Variants in MKLN1 observed in about 807,000 individuals in gnomAD.
The protein encoded by MKLN1 is muskelin 1.
In MKLN1, 18 loss-of-function variants were observed where a neutral mutation model predicts 99.0. The observed-to-expected ratio is 0.18, with a 90% CI of 0.13 to 0.27. MKLN1 has a LOEUF of 0.27. Ranked by LOEUF, MKLN1 falls within the 10% of genes least tolerant of loss-of-function variation. The pLI, the probability that MKLN1 is intolerant of heterozygous loss-of-function variation, is 1.00. For synonymous variants in MKLN1, 288 were observed against 293.2 expected (o/e 0.98, Z 0.18); for missense variants, 621 against 875.9 (o/e 0.71, Z 3.67).
intron 3 of MKLN1, among the ~76,000 whole-genome samples, chr7:131,243,672 T>C (rs1221805221): frequency 6.6e-6 from 1 of 152,264 alleles, no homozygotes; most frequent in East Asian, 1.9e-4. Context: ...CATGCTTCTA[T>C]CCATTAACAG....
intron 1 of MKLN1, among the ~76,000 whole-genome samples, chr7:131,358,336 A>G (rs1417388239): frequency 6.6e-6 from 1 of 152,182 alleles, no homozygotes; most frequent in Non-Finnish European, 1.5e-5. Context: ...ATTGATGTGT[A>G]ATACATTAAT....
chr7:131,181,232 T>C (rs954626099), intron 2 of MKLN1, among the ~76,000 whole-genome samples: 17 of 152,172 alleles, frequency 1.1e-4, no homozygotes, highest in Admixed American at 3.3e-4. Context: ...TGAAAGAGGC[T>C]TAGCCTCACA....
At chr7:131,121,475 A>G (rs958135031) in intron 1 of MKLN1, among the ~76,000 whole-genome samples, 4 of 151,908 alleles carry the variant, frequency 2.6e-5, no homozygotes, top group African/African-American at 9.7e-5. Context: ...CGTCTCTACT[A>G]AAAACACAAA....
chr7:131,446,525 T>C (rs1442415583), intron 12 of MKLN1, among the ~76,000 whole-genome samples: 1 of 152,332 alleles, frequency 6.6e-6, no homozygotes, highest in Non-Finnish European at 1.5e-5. Flanking sequence ...TGGTTTAAAA[T>C]GCTAATTTGA....
At chr7:131,466,443 T>A in intron 15 of MKLN1, 28 bp downstream of exon 15, 2 of 1,480,062 alleles carry the variant, frequency 1.4e-6, no homozygotes, top group Non-Finnish European at 1.8e-6. Flanking sequence ...TGAAAACATT[T>A]AATTAACATT....
chr7:131,314,316 C>T (rs1367696862), intron 3 of MKLN1, among the ~76,000 whole-genome samples: 1 of 152,222 alleles, frequency 6.6e-6, no homozygotes, highest in East Asian at 1.9e-4. Context: ...GAGTGAGAGG[C>T]AGCTTTTTCT....
intron 3 of MKLN1, among the ~76,000 whole-genome samples, chr7:131,275,567 ATTTTTTTT>A (rs869119196): frequency 1.6e-3 from 9 of 5,618 alleles, no homozygotes; most frequent in African/African-American, 2.8e-3. Flanking sequence ...ATATATATAT[ATTTTTTTT>A]TTTTTTTTTT....
chr7:131,149,442 T>C (rs1795859143), intron 2 of MKLN1, among the ~76,000 whole-genome samples: 1 of 152,142 alleles, frequency 6.6e-6, no homozygotes, highest in African/African-American at 2.4e-5. Context: ...AACAAGGGTA[T>C]GTTTTGGAAA....
intron 17 of MKLN1, among the ~76,000 whole-genome samples, chr7:131,480,810 T>A (rs1797101799): frequency 6.6e-6 from 1 of 152,218 alleles, no homozygotes; most frequent in African/African-American, 2.4e-5. Flanking sequence ...TTATGTGCCT[T>A]ATGTCTGATA....
intron 2 of MKLN1, among the ~76,000 whole-genome samples, chr7:131,196,792 C>G (rs1445047828): frequency 2.0e-5 from 3 of 152,010 alleles, no homozygotes; most frequent in South Asian, 4.1e-4. Context: ...TTTAGAAGCC[C>G]ATTGGCCCCC....
chr7:131,193,560 G>T (rs1230252208), intron 2 of MKLN1, among the ~76,000 whole-genome samples: 1 of 152,006 alleles, frequency 6.6e-6, no homozygotes, highest in Non-Finnish European at 1.5e-5. Flanking sequence ...TATTTTAGTA[G>T]AGATGAGGTT....
intron 12 of MKLN1, among the ~76,000 whole-genome samples, chr7:131,449,123 CTT>C (rs1186427668): frequency 6.6e-6 from 1 of 152,122 alleles, no homozygotes; most frequent in Non-Finnish European, 1.5e-5. Flanking sequence ...AGGAGGTAAT[CTT>C]TAAGATTTAA....
At chr7:131,464,191 A>G (rs1796595312) in intron 13 of MKLN1, 103 bp from the exon 14 acceptor site, 2 of 581,008 alleles carry the variant, frequency 3.4e-6, no homozygotes, top group Non-Finnish European at 6.0e-6. Flanking sequence ...ACGCATTTCT[A>G]AAATTTTTTG....
intron 1 of MKLN1, among the ~76,000 whole-genome samples, chr7:131,111,703 C>T (rs951673286): frequency 1.3e-5 from 2 of 151,954 alleles, no homozygotes; most frequent in Admixed American, 1.3e-4. Context: ...ATCTTCATTC[C>T]TCAGCACTAG....
chr7:131,168,849 G>A (rs1013883974), intron 2 of MKLN1, among the ~76,000 whole-genome samples: 3 of 149,808 alleles, frequency 2.0e-5, no homozygotes, highest in South Asian at 2.1e-4. Context: ...TTACCAAATT[G>A]AAATTTAAAT....
At chr7:131,241,892 CCT>C (rs1356220313) in intron 3 of MKLN1, among the ~76,000 whole-genome samples, 1 of 152,176 alleles carries the variant, frequency 6.6e-6, no homozygotes, top group African/African-American at 2.4e-5. Flanking sequence ...ACATTTTGAA[CCT>C]TTTTGTCTTT....
intron 7 of MKLN1, 96 bp downstream of exon 7, chr7:131,411,479 A>G (rs1359228877): frequency 1.2e-6 from 1 of 842,330 alleles, no homozygotes; most frequent in Non-Finnish European, 2.0e-6. Context: ...TAAGTTAATA[A>G]AAAAGAAGAT....
chr7:131,365,854 A>G (rs1408193662), intron 1 of MKLN1, among the ~76,000 whole-genome samples: 1 of 152,178 alleles, frequency 6.6e-6, no homozygotes, highest in Non-Finnish European at 1.5e-5. Flanking sequence ...CCTTGGCCAC[A>G]GATAACCATT....
At chr7:131,308,814 A>G (rs1317910382) in intron 3 of MKLN1, among the ~76,000 whole-genome samples, 2 of 151,810 alleles carry the variant, frequency 1.3e-5, no homozygotes, top group Admixed American at 1.3e-4. Flanking sequence ...CCAACTCCCA[A>G]CCTCAGGTGA....
Sources: allele counts gnomAD v4.1 joint callset (sites outside exome capture counted in the v4.1 genomes callset), GRCh38; gene constraint gnomAD v4.1.1; transcripts MANE v1.5; gene names NCBI Gene and HGNC (gene_info 2026-07-23, HGNC 2026-07-21).